The following FBXL20 variants were observed in gnomAD, a reference collection of about 807,000 sequenced individuals.
FBXL20 encodes F-box and leucine rich repeat protein 20, also known as F-box/LRR-repeat protein 20.
In FBXL20, 11 loss-of-function variants were observed where a neutral mutation model predicts 64.0. The ratio of observed to expected loss-of-function variants is 0.17; its 90% CI spans 0.11 to 0.28. The LOEUF (loss-of-function observed/expected upper bound fraction) is 0.28. FBXL20 is among the 10% of genes least tolerant of loss of function. The pLI is 1.00. For missense variants in FBXL20, 303 were observed against 526.2 expected, an observed-to-expected ratio of 0.58 and a Z score of 4.15; for synonymous variants, 184 against 189.0, an observed-to-expected ratio of 0.97 and a Z score of 0.22.
At chr17:39,394,976 T>A (rs1023430989) in intron 1 of FBXL20, among the ~76,000 whole-genome samples, 1 of 152,150 alleles carries the variant, frequency 6.6e-6, no homozygotes, top group African/African-American at 2.4e-5. Context: ...AAAGCACTTA[T>A]AAATTTGCAA....
chr17:39,373,221 T>G (rs1489978847), intron 1 of FBXL20, among the ~76,000 whole-genome samples: 1 of 152,210 alleles, frequency 6.6e-6, no homozygotes, highest in Non-Finnish European at 1.5e-5. Flanking sequence ...AACACACTCC[T>G]GGCTCCTCTG....
chr17:39,393,359 A>C (rs1420560461), intron 1 of FBXL20, among the ~76,000 whole-genome samples: 2 of 152,136 alleles, frequency 1.3e-5, no homozygotes, highest in African/African-American at 2.4e-5. Context: ...CCCAGTTTTC[A>C]CTTTGAAATG....
chr17:39,324,025 C>A lies in FBXL20; in HGVS notation c.104+19155G>T, dbSNP rs1431346877. 8.6e-4 allele frequency among the ~76,000 whole-genome samples: 109 copies of A among 126,308 alleles called. 5 individuals are homozygous for A. Among genetic ancestry groups the A allele is most frequent in the African/African-American group, 3.5e-3 (101 of 28,818 alleles). 82.9% of individuals were successfully genotyped at this position (126,308 alleles called of 152,430 possible). ...GTGATCCAACCCCCTCCCCCCCCCA[C>A]CCCCTGGCCTCCCAAAGTGCTGGGA... On this transcript the variant is annotated intron_variant, in intron 2 of 14. Coordinates refer to ENST00000264658, the MANE Select transcript of FBXL20 (RefSeq NM_032875.3).
intron 1 of FBXL20, among the ~76,000 whole-genome samples, chr17:39,394,627 C>T (rs568006494): frequency 1.3e-5 from 2 of 151,174 alleles, no homozygotes; most frequent in East Asian, 1.9e-4. Context: ...TGCGCTGGCA[C>T]GATCTCAGCT....
At chr17:39,382,030 T>G (rs561650433) in intron 1 of FBXL20, among the ~76,000 whole-genome samples, 5 of 145,714 alleles carry the variant, frequency 3.4e-5, no homozygotes, top group Non-Finnish European at 6.0e-5. Flanking sequence ...GAGGTGGAGG[T>G]TGCAGTAAGC....
chr17:39,275,238 T>C, intron 9 of FBXL20, 138 bp from the exon 10 acceptor site: 2 of 884,254 alleles, frequency 2.3e-6, no homozygotes. Context: ...ATAGCAGACC[T>C]AAAAGAAAAT....
At chr17:39,400,925 A>C (rs2048235469) in intron 1 of FBXL20, among the ~76,000 whole-genome samples, 1 of 152,146 alleles carries the variant, frequency 6.6e-6, no homozygotes, top group Non-Finnish European at 1.5e-5. Context: ...AAGGTCTCAA[A>C]CTCGGAGAAA....
chr17:39,274,615 T>G (rs1385056461), intron 10 of FBXL20, among the ~76,000 whole-genome samples: 1 of 152,238 alleles, frequency 6.6e-6, no homozygotes, highest in Non-Finnish European at 1.5e-5. Context: ...GTATCATTAC[T>G]ATGACAAATG....
intron 1 of FBXL20, among the ~76,000 whole-genome samples, chr17:39,357,538 T>C (rs547854186): frequency 1.3e-5 from 2 of 152,188 alleles, no homozygotes; most frequent in African/African-American, 4.8e-5. Context: ...ATAATTATCA[T>C]CTTACGCGAA....
chr17:39,362,705 A>C (rs1331435671), intron 1 of FBXL20, among the ~76,000 whole-genome samples: 1 of 134,592 alleles, frequency 7.4e-6, no homozygotes, highest in Non-Finnish European at 1.6e-5. Flanking sequence ...TGCAACCTTC[A>C]TCTCGGGTTC....
chr17:39,308,758 G>A (rs1362915630), intron 2 of FBXL20, among the ~76,000 whole-genome samples: 5 of 151,608 alleles, frequency 3.3e-5, no homozygotes, highest in Admixed American at 2.6e-4. Flanking sequence ...GTAGAGACGG[G>A]GTTTCACTGT....
intron 1 of FBXL20, among the ~76,000 whole-genome samples, chr17:39,346,209 C>T (rs557117605): frequency 6.6e-6 from 1 of 151,874 alleles, no homozygotes; most frequent in South Asian, 2.1e-4. Flanking sequence ...ATGGTGTACA[C>T]CTGTAGTCCC....
Position 39,322,163 on chromosome 17 carries a change from CAAAAAAAAAAAAAAAAA to C in FBXL20, c.105-18541_105-18525del, listed in dbSNP as rs761771926. Among the ~76,000 whole-genome samples, 381 of 52,558 alleles carry C rather than the reference CAAAAAAAAAAAAAAAAA, an allele frequency of 7.2e-3. 2 individuals are homozygous for C. The highest frequency in any genetic ancestry group is 0.011 in the Non-Finnish European group (263 of 23,106). The allele number at this position is 52,558 out of a possible 152,430, so 34.5% of individuals were successfully genotyped here. ...AAACATAGTGAGACACTATCTCTAC[CAAAAAAAAAAAAAAAAA>C]AAAAAAAAAGCCATGCCCCATGCTT... On this transcript the variant is annotated intron_variant, in intron 2 of 14. Transcript: ENST00000264658.
At chr17:39,376,767 C>T (rs1468877040) in intron 1 of FBXL20, among the ~76,000 whole-genome samples, 1 of 152,132 alleles carries the variant, frequency 6.6e-6, no homozygotes, top group Admixed American at 6.6e-5. Context: ...GTAATCCTAG[C>T]ACTTTGGGAG....
intron 1 of FBXL20, among the ~76,000 whole-genome samples, chr17:39,360,785 A>G (rs1224806922): frequency 6.6e-6 from 1 of 152,172 alleles, no homozygotes; most frequent in Non-Finnish European, 1.5e-5. Flanking sequence ...AGCTATTCAG[A>G]TAACAGCTTC....
intron 2 of FBXL20, among the ~76,000 whole-genome samples, chr17:39,310,895 G>T (rs1460808224): frequency 6.6e-6 from 1 of 152,020 alleles, no homozygotes; most frequent in Non-Finnish European, 1.5e-5. Context: ...TGAGGCAGAA[G>T]AATCGCTTGA....
chr17:39,336,750 G>T (rs1024173485), intron 2 of FBXL20, among the ~76,000 whole-genome samples: 3 of 151,694 alleles, frequency 2.0e-5, no homozygotes, highest in African/African-American at 7.3e-5. Context: ...CTTGAACCTG[G>T]GAGGCAGAGG....
intron 6 of FBXL20, among the ~76,000 whole-genome samples, chr17:39,288,090 A>G (rs1442959482): frequency 6.6e-6 from 1 of 151,198 alleles, no homozygotes; most frequent in Non-Finnish European, 1.5e-5. Flanking sequence ...CAGCCTCCAG[A>G]GTAGCTGGGA....
At chr17:39,264,091 A>C in intron 14 of FBXL20, 84 bp downstream of exon 14, 1 of 1,392,732 alleles carries the variant, frequency 7.2e-7, no homozygotes, top group Non-Finnish European at 1.0e-6. Context: ...AAATCATAGG[A>C]ACCTAAATTT....
Sources: gnomAD v4.1 joint callset for allele counts (sites outside exome capture counted in the v4.1 genomes callset) on GRCh38, gnomAD v4.1.1 for gene constraint, MANE v1.5 for transcripts, NCBI Gene and HGNC (gene_info 2026-07-23, HGNC 2026-07-21) for gene names.